The following B3GALT1 variants were observed in gnomAD, a reference collection of about 807,000 sequenced individuals.
B3GALT1 encodes beta-1,3-galactosyltransferase 1.
A neutral mutation model predicts 23.2 loss-of-function variants in B3GALT1; 10 were observed. The observed-to-expected ratio is 0.43, with a 90% CI of 0.27 to 0.73. The LOEUF (loss-of-function observed/expected upper bound fraction) is 0.73. Among genes scored for constraint, B3GALT1 ranks in the 30% least tolerant of loss-of-function variants. The pLI, the probability that B3GALT1 is intolerant of heterozygous loss-of-function variation, is 0.21. For missense variants in B3GALT1, 299 were observed against 405.4 expected (o/e 0.74, Z 2.25); for synonymous variants, 156 against 141.5 (o/e 1.10, Z -0.73).
chr2:167,769,701 A>G (rs557027760), intron 3 of B3GALT1, among the ~76,000 whole-genome samples: 2 of 152,192 alleles, frequency 1.3e-5, no homozygotes, highest in Non-Finnish European at 2.9e-5. Flanking sequence ...GCCTAGCTTA[A>G]TGTATTTGAG....
chr2:167,671,098 C>G (rs920000681), intron 3 of B3GALT1, among the ~76,000 whole-genome samples: 1 of 152,136 alleles, frequency 6.6e-6, no homozygotes, highest in African/African-American at 2.4e-5. Context: ...AGAAGGTCAT[C>G]ATATAATGAC....
intron 3 of B3GALT1, among the ~76,000 whole-genome samples, chr2:167,685,267 C>G (rs1359335498): frequency 6.6e-6 from 1 of 152,024 alleles, no homozygotes; most frequent in Non-Finnish European, 1.5e-5. Flanking sequence ...ATCCATTATT[C>G]TTTTTTTAAA....
At chr2:167,587,825 G>A (rs139529516) in intron 2 of B3GALT1, among the ~76,000 whole-genome samples, 49 of 152,276 alleles carry the variant, frequency 3.2e-4, no homozygotes, top group African/African-American at 1.1e-3. Context: ...GTAATTCAAT[G>A]TATTTATTTT....
intron 2 of B3GALT1, among the ~76,000 whole-genome samples, chr2:167,586,057 G>A (rs1684579479): frequency 6.6e-6 from 1 of 152,138 alleles, no homozygotes; most frequent in African/African-American, 2.4e-5. Context: ...TTTTTGGAGT[G>A]GCTGGTAGGT....
intron 3 of B3GALT1, among the ~76,000 whole-genome samples, chr2:167,774,792 G>A (rs960780167): frequency 6.6e-5 from 10 of 151,776 alleles, no homozygotes; most frequent in South Asian, 2.1e-4. Flanking sequence ...CACCACGCCC[G>A]GCCTCTATGT....
chr2:167,709,953 T>C (rs926695046), intron 3 of B3GALT1, among the ~76,000 whole-genome samples: 28 of 152,208 alleles, frequency 1.8e-4, no homozygotes, highest in African/African-American at 6.7e-4. Context: ...TGCTCAATAA[T>C]AGCAAATATA....
At chr2:167,514,550 C>A (rs914370514) in intron 2 of B3GALT1, among the ~76,000 whole-genome samples, 3 of 152,152 alleles carry the variant, frequency 2.0e-5, no homozygotes, top group African/African-American at 7.2e-5. Flanking sequence ...ACAGTCCCAG[C>A]CCCAGCATCA....
chr2:167,380,050 C>A (rs943353844), intron 1 of B3GALT1, among the ~76,000 whole-genome samples: 6 of 152,070 alleles, frequency 3.9e-5, no homozygotes, highest in African/African-American at 1.4e-4. Flanking sequence ...TAAAGTAAAG[C>A]GGGTCACACT....
At chr2:167,582,758 C>G (rs1282573287) in intron 2 of B3GALT1, among the ~76,000 whole-genome samples, 8 of 152,272 alleles carry the variant, frequency 5.3e-5, no homozygotes, top group South Asian at 4.1e-4. Context: ...AAGCCCATCC[C>G]TGGGCATTCT....
chr2:167,587,441 A>G (rs1684601813), intron 2 of B3GALT1, among the ~76,000 whole-genome samples: 1 of 152,190 alleles, frequency 6.6e-6, no homozygotes, highest in Non-Finnish European at 1.5e-5. Context: ...TACTCATTTT[A>G]TAAGTTAGGT....
At chr2:167,615,610 C>T (rs558908761) in intron 2 of B3GALT1, among the ~76,000 whole-genome samples, 48 of 151,596 alleles carry the variant, frequency 3.2e-4, no homozygotes, top group Non-Finnish European at 4.6e-4. Flanking sequence ...TGTATCGAAA[C>T]GTGTTGCATA....
chr2:167,415,222 G>A lies in B3GALT1; in HGVS notation c.-510-74955G>A, dbSNP rs114912897. Among the ~76,000 whole-genome samples, 463 of 152,208 alleles carry A rather than the reference G, an allele frequency of 3.0e-3. 3 individuals are homozygous for A. Among genetic ancestry groups the A allele is most frequent in the African/African-American group, 0.01 (421 of 41,530 alleles). On this transcript the variant is annotated intron_variant, in intron 1 of 4. Coordinates refer to ENST00000392690, the MANE Select transcript of B3GALT1 (RefSeq NM_020981.4). ...TGCTGCCTTCATGAATGGATTAATG[G>A]GTTACCATTGAAGTGGGACTGGTGG...
intron 3 of B3GALT1, among the ~76,000 whole-genome samples, chr2:167,733,022 T>A (rs937612307): frequency 2.0e-5 from 3 of 152,228 alleles, no homozygotes; most frequent in Non-Finnish European, 4.4e-5. Context: ...GTTACACAGC[T>A]GGTAAGTGGC....
At chr2:167,755,852 G>A (rs1687807126) in intron 3 of B3GALT1, among the ~76,000 whole-genome samples, 1 of 151,924 alleles carries the variant, frequency 6.6e-6, no homozygotes, top group African/African-American at 2.4e-5. Context: ...GCACAATTTT[G>A]TGGTCCCAGC....
chr2:167,532,622 A>G (rs894122136), intron 2 of B3GALT1, among the ~76,000 whole-genome samples: 5 of 152,128 alleles, frequency 3.3e-5, no homozygotes, highest in Non-Finnish European at 7.4e-5. Context: ...GGAGAAAAAA[A>G]AATAACGTTC....
intron 1 of B3GALT1, among the ~76,000 whole-genome samples, chr2:167,392,841 C>G (rs1002427323): frequency 1.3e-5 from 2 of 152,124 alleles, no homozygotes; most frequent in Admixed American, 6.5e-5. Flanking sequence ...CAAGAACAAT[C>G]TATAATCCAT....
At chr2:167,372,433 T>C (rs1697700898) in intron 1 of B3GALT1, among the ~76,000 whole-genome samples, 1 of 152,094 alleles carries the variant, frequency 6.6e-6, no homozygotes, top group Non-Finnish European at 1.5e-5. Flanking sequence ...TTTCCTAAGA[T>C]TGGAGATGAA....
chr2:167,807,734 A>G (rs1688784893), intron 3 of B3GALT1, among the ~76,000 whole-genome samples: 1 of 152,192 alleles, frequency 6.6e-6, no homozygotes, highest in Admixed American at 6.5e-5. Context: ...TTTACTTCCA[A>G]CTAAGTGGTC....
intron 3 of B3GALT1, among the ~76,000 whole-genome samples, chr2:167,779,380 T>G (rs1018788451): frequency 1.2e-4 from 19 of 152,308 alleles, no homozygotes; most frequent in African/African-American, 4.6e-4. Flanking sequence ...TGGAAATGTC[T>G]CAGGCTGGTA....
Sources: allele counts gnomAD v4.1 joint callset (sites outside exome capture counted in the v4.1 genomes callset), GRCh38; gene constraint gnomAD v4.1.1; transcripts MANE v1.5; gene names NCBI Gene and HGNC (gene_info 2026-07-23, HGNC 2026-07-21).